Variants in ACO2 observed in about 807,000 individuals in gnomAD.
ACO2 encodes the protein aconitase 2, also known as aconitate hydratase, mitochondrial.
A neutral mutation model predicts 84.5 loss-of-function variants in ACO2; 31 were observed. The observed-to-expected ratio is 0.37, with a 90% CI of 0.28 to 0.50. The LOEUF is 0.50. Ranked by LOEUF, ACO2 falls within the 20% of genes least tolerant of loss-of-function variation. The probability of loss-of-function intolerance (pLI) is 0.97; values close to 1 mark genes in which losing one functional copy is unlikely to be tolerated. For missense variants in ACO2, 685 were observed against 1,029.3 expected (o/e 0.67, Z 4.58); for synonymous variants, 414 against 412.7 (o/e 1.00, Z -0.04).
intron 9 of ACO2, 79 bp downstream of exon 9, chr22:41,520,355 C>A (rs1355862266): frequency 2.6e-6 from 3 of 1,139,528 alleles, no homozygotes; most frequent in Non-Finnish European, 3.8e-6. Context: ...ATCACCTATG[C>A]CTACTGTGTG....
chr22:41,523,988 C>T, intron 12 of ACO2, 47 bp downstream of exon 12: 1 of 1,562,092 alleles, frequency 6.4e-7, no homozygotes, highest in Non-Finnish European at 8.8e-7. Flanking sequence ...CTCTGGGGGT[C>T]CCTGGCGGGT....
At chr22:41,494,040 T>C (rs573739573) in intron 1 of ACO2, among the ~76,000 whole-genome samples, 2 of 152,246 alleles carry the variant, frequency 1.3e-5, no homozygotes, top group East Asian at 3.9e-4. Flanking sequence ...ATCTAGAACA[T>C]GTTCATCAGG....
In ACO2 at chr22:41,528,659, C is replaced by T. The variant is rs780848861; in HGVS notation, c.*46C>T. 27 of 1,602,092 alleles carry T rather than the reference C, an allele frequency of 1.7e-5. No homozygotes were observed. The highest frequency in any genetic ancestry group is 5.0e-5 in the Admixed American group (3 of 59,620). ...GCCGCTGGCGTCAAGTTCAGCTCCA[C>T]GTGTGCCATCAGTGGATCCGATCCG... On this transcript the variant is annotated 3_prime_UTR_variant, in exon 18 of 18. Coordinates refer to ENST00000216254, the MANE Select transcript of ACO2 (RefSeq NM_001098.3).
At chr22:41,473,461 G>A (rs767361493) in intron 1 of ACO2, among the ~76,000 whole-genome samples, 1 of 152,164 alleles carries the variant, frequency 6.6e-6, no homozygotes, top group Non-Finnish European at 1.5e-5. Flanking sequence ...CCGAGATCAC[G>A]CCATTACACT....
chr22:41,495,368 G>C lies in ACO2; in HGVS notation c.37-4358G>C, dbSNP rs144751535. ...TTGACAGGTCTTGCTATGTTGGCCG[G>C]GTTGGTCTTGAATTCCCGGTCTCAA... On this transcript the variant is annotated intron_variant, in intron 1 of 17. Coordinates refer to ENST00000216254, the MANE Select transcript of ACO2 (RefSeq NM_001098.3). Among the ~76,000 whole-genome samples the C allele has an allele frequency of 1.1e-3, 168 of 152,126 alleles. 1 individual carries two copies. The highest frequency in any genetic ancestry group is 3.9e-3 in the African/African-American group (163 of 41,484).
intron 2 of ACO2, among the ~76,000 whole-genome samples, chr22:41,505,539 C>G (rs566808219): frequency 6.6e-6 from 1 of 152,098 alleles, no homozygotes; most frequent in Non-Finnish European, 1.5e-5. Context: ...GGAGCACAGC[C>G]GTAGGGCCAC....
At chr22:41,487,224 G>C (rs2038168785) in intron 1 of ACO2, among the ~76,000 whole-genome samples, 1 of 152,146 alleles carries the variant, frequency 6.6e-6, no homozygotes, top group Admixed American at 6.5e-5. Flanking sequence ...TCTTGCACAT[G>C]CTGTTCTCTC....
chr22:41,513,332 G>A (rs148283460), intron 4 of ACO2, among the ~76,000 whole-genome samples: 10 of 152,346 alleles, frequency 6.6e-5, no homozygotes, highest in African/African-American at 2.2e-4. Flanking sequence ...ACAGCAGCTC[G>A]TGTGTTTGTT....
chr22:41,520,122 AG>A (rs1418373241), intron 8 of ACO2, 48 bp from the exon 9 acceptor site: 1 of 1,535,356 alleles, frequency 6.5e-7, no homozygotes, highest in Non-Finnish European at 9.0e-7. Context: ...CCCCGCTTCA[AG>A]GTTTCTTCCC....
At chr22:41,526,748 C>A in intron 15 of ACO2, 1 of 377,626 alleles carries the variant, frequency 2.6e-6, no homozygotes, top group Non-Finnish European at 4.8e-6. Flanking sequence ...AAGTCAGAGG[C>A]CAAAAGCTCA....
intron 9 of ACO2, 96 bp from the exon 10 acceptor site, chr22:41,522,734 A>G (rs1343030737): frequency 9.9e-6 from 14 of 1,417,866 alleles, no homozygotes; most frequent in Non-Finnish European, 1.3e-5. Flanking sequence ...CAGATGGTGA[A>G]CTCTTTTGGC....
At chr22:41,470,247 C>G (rs975666854) in intron 1 of ACO2, among the ~76,000 whole-genome samples, 2 of 152,184 alleles carry the variant, frequency 1.3e-5, no homozygotes, top group Non-Finnish European at 2.9e-5. Context: ...TCTCTGTCAA[C>G]CTTTCACATT....
At chr22:41,499,920 G>T in intron 2 of ACO2, 58 bp downstream of exon 2, 2 of 1,594,750 alleles carry the variant, frequency 1.3e-6, no homozygotes, top group Non-Finnish European at 1.7e-6. Flanking sequence ...CTGCCTGCCC[G>T]TCAGGCAGAG....
chr22:41,509,815 C>CTTTTTTTT (rs137832), intron 3 of ACO2, among the ~76,000 whole-genome samples: 3 of 107,904 alleles, frequency 2.8e-5, no homozygotes, highest in Non-Finnish European at 5.3e-5. Flanking sequence ...AGAATATGGT[C>CTTTTTTTT]TTTTTTTTTT....
chr22:41,520,774 G>A (rs570923334), intron 9 of ACO2, among the ~76,000 whole-genome samples: 12 of 151,846 alleles, frequency 7.9e-5, no homozygotes, highest in Admixed American at 1.3e-4. Flanking sequence ...CCCAGGAGGC[G>A]GAGGTTGCAA....
chr22:41,503,934 C>T (rs1239176249), intron 2 of ACO2, among the ~76,000 whole-genome samples: 2 of 152,196 alleles, frequency 1.3e-5, no homozygotes, highest in South Asian at 2.1e-4. Context: ...TATATTCTAG[C>T]CGGGTATGGT....
chr22:41,479,398 T>C (rs899130212), intron 1 of ACO2, among the ~76,000 whole-genome samples: 1 of 152,202 alleles, frequency 6.6e-6, no homozygotes, highest in Non-Finnish European at 1.5e-5. Context: ...GAAGTACATA[T>C]GAGTAGCCTG....
chr22:41,480,285 C>T (rs1007677920), intron 1 of ACO2, among the ~76,000 whole-genome samples: 3 of 152,150 alleles, frequency 2.0e-5, no homozygotes, highest in Admixed American at 6.6e-5. Flanking sequence ...GATGTGAGCC[C>T]GAAGTCATCC....
rs755061764 is a variant in ACO2 at position 41,528,476 on chromosome 22, C to G, written c.2209-3C>G. 6.2e-7 allele frequency: 1 copy of G among 1,611,848 alleles called. No homozygotes were observed. Among genetic ancestry groups the G allele is most frequent in the Non-Finnish European group, 8.5e-7 (1 of 1,179,818 alleles). ...TCCACCCACACCCACCTTCTCCTTG[C>G]AGCCCCTGAAGTGCATCATCAAGCA... On this transcript the variant is annotated splice_polypyrimidine_tract_variant and splice_region_variant and intron_variant, in intron 17 of 17. Transcript: ENST00000216254.
Sources: gnomAD v4.1 joint callset for allele counts (sites outside exome capture counted in the v4.1 genomes callset) on GRCh38, gnomAD v4.1.1 for gene constraint, MANE v1.5 for transcripts, NCBI Gene and HGNC (gene_info 2026-07-23, HGNC 2026-07-21) for gene names.